Variants in PLEKHA5 observed in about 807,000 individuals in gnomAD.
The protein encoded by PLEKHA5 is pleckstrin homology domain-containing family A member 5.
PLEKHA5 carries 55 observed loss-of-function variants against 181.9 expected under a neutral mutation model. That is an observed-to-expected ratio of 0.30 (90% CI 0.24 to 0.38). The LOEUF (loss-of-function observed/expected upper bound fraction) is 0.38. Among genes scored for constraint, PLEKHA5 ranks in the 10% least tolerant of loss-of-function variants. The pLI, the probability that PLEKHA5 is intolerant of heterozygous loss-of-function variation, is 1.00. For synonymous variants in PLEKHA5, 535 were observed against 529.4 expected (o/e 1.01, Z -0.15); for missense variants, 1,432 against 1,549.5 (o/e 0.92, Z 1.27).
chr12:19,245,852 C>T (rs950997887), intron 3 of PLEKHA5, among the ~76,000 whole-genome samples: 6 of 151,990 alleles, frequency 3.9e-5, no homozygotes, highest in Middle Eastern at 3.4e-3. Flanking sequence ...ACAGGGCAAC[C>T]CAATAAAGAT....
intron 3 of PLEKHA5, among the ~76,000 whole-genome samples, chr12:19,167,524 C>G (rs904016634): frequency 1.4e-5 from 2 of 146,062 alleles, no homozygotes; most frequent in East Asian, 4.1e-4. Flanking sequence ...TTTTGAAATC[C>G]TGTCTCTTCC....
At chr12:19,276,123 A>T (rs773616356) in intron 11 of PLEKHA5, among the ~76,000 whole-genome samples, 11 of 152,192 alleles carry the variant, frequency 7.2e-5, no homozygotes, top group Non-Finnish European at 1.5e-4. Context: ...TAGATATGCA[A>T]AGCGCCAGGC....
intron 29 of PLEKHA5, among the ~76,000 whole-genome samples, chr12:19,364,800 G>T (rs1469434570): frequency 6.6e-6 from 1 of 151,908 alleles, no homozygotes; most frequent in South Asian, 2.1e-4. Flanking sequence ...CAAGTAGCTG[G>T]GTTTATAGGC....
chr12:19,158,171 TG>T (rs2042188831), intron 3 of PLEKHA5, among the ~76,000 whole-genome samples: 1 of 151,888 alleles, frequency 6.6e-6, no homozygotes. Context: ...GCTAACACAG[TG>T]AAACCCCCAT....
At chr12:19,335,033 T>TG (rs1272773971) in intron 20 of PLEKHA5, among the ~76,000 whole-genome samples, 1 of 141,532 alleles carries the variant, frequency 7.1e-6, no homozygotes, top group Non-Finnish European at 1.5e-5. Context: ...GTTTTTTGTT[T>TG]TTTTTTTTTT....
At chr12:19,281,128 TAGG>T (rs1236354553) in intron 11 of PLEKHA5, among the ~76,000 whole-genome samples, 4 of 151,464 alleles carry the variant, frequency 2.6e-5, no homozygotes, top group Non-Finnish European at 5.9e-5. Context: ...CCTAGCTACT[TAGG>T]AGGCTGAGGC....
At chr12:19,336,804 A>T (rs543196748) in intron 21 of PLEKHA5, among the ~76,000 whole-genome samples, 188 bp downstream of exon 21, 1 of 152,082 alleles carries the variant, frequency 6.6e-6, no homozygotes, top group South Asian at 2.1e-4. Flanking sequence ...CTTGTTTAAG[A>T]GTTCTTTGTT....
intron 3 of PLEKHA5, among the ~76,000 whole-genome samples, chr12:19,224,209 T>C (rs995961280): frequency 6.6e-6 from 1 of 152,168 alleles, no homozygotes; most frequent in African/African-American, 2.4e-5. Flanking sequence ...CTATAGCTAT[T>C]TTTTGAATAA....
chr12:19,358,246 G>T lies in PLEKHA5; in HGVS notation c.3157G>T (p.Val1053Leu). Residue 1053 changes from valine (V) to leucine (L), a missense_variant, in exon 27 of 32, where the codon GTG (valine) becomes TTG (leucine). Coordinates refer to ENST00000429027, the MANE Select transcript of PLEKHA5 (RefSeq NM_001256470.2). The part of the protein sequence containing the change: ...DLRTERPRSA[V>L]EQLCLAESTR... ...ATTGAAGGAAAGACCAAGAAGTGCAGTGGAACAGCTCTGTTTGGCTGAAAG... is the reference window on the plus strand; with the variant it reads ...ATTGAAGGAAAGACCAAGAAGTGCATTGGAACAGCTCTGTTTGGCTGAAAG... The T allele has an allele frequency of 6.2e-7, 1 of 1,613,476 alleles. No individual in the cohort carries two copies.
chr12:19,267,941 C>G (rs1169787361), intron 8 of PLEKHA5, among the ~76,000 whole-genome samples: 1 of 151,206 alleles, frequency 6.6e-6, no homozygotes, highest in East Asian at 1.9e-4. Context: ...GCCTGGGCAA[C>G]AAGAGCGAAA....
At chr12:19,346,661 T>C (rs761371460) in intron 23 of PLEKHA5, among the ~76,000 whole-genome samples, 1 of 152,138 alleles carries the variant, frequency 6.6e-6, no homozygotes. Flanking sequence ...TGTGAAAATA[T>C]AAGAATAGGA....
At chr12:19,192,925 A>C (rs982428560) in intron 3 of PLEKHA5, among the ~76,000 whole-genome samples, 1 of 152,150 alleles carries the variant, frequency 6.6e-6, no homozygotes, top group Non-Finnish European at 1.5e-5. Context: ...TGTTTTTGTA[A>C]ATAAAGCTTT....
intron 3 of PLEKHA5, among the ~76,000 whole-genome samples, chr12:19,214,679 G>C (rs141402259): frequency 7.2e-5 from 11 of 152,226 alleles, no homozygotes; most frequent in African/African-American, 2.4e-4. Flanking sequence ...GGGCATGGGA[G>C]TGATTAGGAT....
intron 3 of PLEKHA5, among the ~76,000 whole-genome samples, chr12:19,209,355 A>G (rs1021673125): frequency 7.2e-5 from 11 of 152,224 alleles, no homozygotes; most frequent in Non-Finnish European, 8.8e-5. Context: ...GCTTGCACCA[A>G]CAGACTATCC....
chr12:19,308,813 G>A (rs1411295691), intron 15 of PLEKHA5, among the ~76,000 whole-genome samples: 2 of 152,022 alleles, frequency 1.3e-5, no homozygotes, highest in African/African-American at 4.8e-5. Flanking sequence ...TTGGGAGGCC[G>A]AAGGGGGGCA....
At chr12:19,226,867 T>C (rs1345519654) in intron 3 of PLEKHA5, among the ~76,000 whole-genome samples, 4 of 152,220 alleles carry the variant, frequency 2.6e-5, no homozygotes, top group Non-Finnish European at 5.9e-5. Flanking sequence ...AGGTAACATT[T>C]TTGAAATATT....
At chr12:19,145,779 A>G (rs1474571465) in intron 3 of PLEKHA5, among the ~76,000 whole-genome samples, 2 of 152,156 alleles carry the variant, frequency 1.3e-5, no homozygotes, top group African/African-American at 4.8e-5. Flanking sequence ...GTTGTTTTAT[A>G]AAACAACTAT....
At chr12:19,337,514 A>T (rs904699719) in intron 21 of PLEKHA5, among the ~76,000 whole-genome samples, 7 of 145,080 alleles carry the variant, frequency 4.8e-5, no homozygotes, top group African/African-American at 1.5e-4. Flanking sequence ...GCACCACTGT[A>T]CTCCAGCCTG....
At chr12:19,131,544 A>G (rs1032361669) in intron 2 of PLEKHA5, among the ~76,000 whole-genome samples, 5 of 152,234 alleles carry the variant, frequency 3.3e-5, no homozygotes, top group Non-Finnish European at 7.3e-5. Flanking sequence ...GAAAGACGAT[A>G]TGACATTTAA....
Sources: allele counts gnomAD v4.1 joint callset (sites outside exome capture counted in the v4.1 genomes callset), GRCh38; gene constraint gnomAD v4.1.1; transcripts MANE v1.5; gene names NCBI Gene and HGNC (gene_info 2026-07-23, HGNC 2026-07-21).